CHODL: variants seen among roughly 807,000 people sequenced by gnomAD.
The protein encoded by CHODL is chondrolectin.
CHODL carries 29 observed loss-of-function variants against 34.5 expected under a neutral mutation model. That is an observed-to-expected ratio of 0.84 (90% CI 0.63 to 1.15). The LOEUF (loss-of-function observed/expected upper bound fraction) is 1.15. Among genes scored for constraint, CHODL ranks in the 50% most tolerant of loss-of-function variants. The pLI, the probability that CHODL is intolerant of heterozygous loss-of-function variation, is 0.00. For synonymous variants in CHODL, 125 were observed against 116.1 expected (o/e 1.08, Z -0.49); for missense variants, 332 against 332.5 (o/e 1.00, Z 0.01).
chr21:18,163,745 A>G (rs1048540165), intron 2 of CHODL, among the ~76,000 whole-genome samples: 5 of 152,046 alleles, frequency 3.3e-5, no homozygotes, highest in Admixed American at 2.6e-4. Context: ...TTTATATTTC[A>G]TTGATAATCT....
At chr21:18,214,636 A>G (rs2073806075) in intron 2 of CHODL, among the ~76,000 whole-genome samples, 1 of 152,156 alleles carries the variant, frequency 6.6e-6, no homozygotes, top group Non-Finnish European at 1.5e-5. Context: ...GACTTAAGGA[A>G]TGCATATATG....
chr21:18,141,308 AAT>A (rs901948952), intron 2 of CHODL, among the ~76,000 whole-genome samples: 2 of 152,020 alleles, frequency 1.3e-5, no homozygotes, highest in African/African-American at 4.8e-5. Context: ...AATTAAATAA[AAT>A]ATATAAATAC....
intron 2 of CHODL, among the ~76,000 whole-genome samples, chr21:18,239,654 A>C (rs1306341908): frequency 1.3e-5 from 2 of 152,086 alleles, no homozygotes; most frequent in Non-Finnish European, 2.9e-5. Context: ...AGTAAAATAA[A>C]ACACTTTTAT....
intron 2 of CHODL, among the ~76,000 whole-genome samples, chr21:18,158,542 C>A (rs555631418): frequency 6.6e-6 from 1 of 152,168 alleles, no homozygotes; most frequent in Non-Finnish European, 1.5e-5. Context: ...AATGACATTT[C>A]AAGAAAAGCA....
At position 18,259,120 on chromosome 21, in the gene CHODL, GA is replaced by G. The variant is rs201105765; in HGVS notation, c.548-1078del. ...TCTGTGACATTTTAAGGCAATGTAA[GA>G]ATGGTAAACATTAAATTAAAATTCT... is the stretch of plus-strand genomic sequence containing the variant. On this transcript the variant is annotated intron_variant, in intron 3 of 5. Coordinates refer to ENST00000299295, the MANE Select transcript of CHODL (RefSeq NM_024944.3). 2.4e-3 allele frequency among the ~76,000 whole-genome samples: 361 copies of G among 152,194 alleles called. 20 individuals are homozygous for G. In the East Asian group the frequency reaches 0.063, roughly 27 times the overall value.
At chr21:18,030,769 T>A (rs2064238552) in intron 2 of CHODL, among the ~76,000 whole-genome samples, 1 of 152,156 alleles carries the variant, frequency 6.6e-6, no homozygotes, top group Non-Finnish European at 1.5e-5. Context: ...TTATTTAAAA[T>A]TTTAATCTGT....
intron 2 of CHODL, among the ~76,000 whole-genome samples, chr21:18,053,203 T>C (rs1344468746): frequency 6.6e-6 from 1 of 151,944 alleles, no homozygotes; most frequent in Non-Finnish European, 1.5e-5. Flanking sequence ...AAGACTATTA[T>C]GGACAGCTAA....
At chr21:18,009,743 C>A (rs2063994349) in intron 1 of CHODL, among the ~76,000 whole-genome samples, 1 of 151,052 alleles carries the variant, frequency 6.6e-6, no homozygotes, top group African/African-American at 2.4e-5. Context: ...AAAAAATTAG[C>A]CGGGCGTGGT....
upstream of CHODL, among the ~76,000 whole-genome samples, chr21:18,241,547 C>G (rs896955573): frequency 1.3e-5 from 2 of 152,106 alleles, no homozygotes; most frequent in African/African-American, 2.4e-5. Flanking sequence ...ATGAATGAAG[C>G]CTGCTGTGAC....
chr21:18,139,135 A>G (rs141082947), intron 2 of CHODL, among the ~76,000 whole-genome samples: 27 of 152,180 alleles, frequency 1.8e-4, no homozygotes, highest in Middle Eastern at 3.4e-3. Flanking sequence ...TTATACTCCA[A>G]TAAAAACCGT....
At chr21:18,180,522 A>C (rs1012565647) in intron 2 of CHODL, among the ~76,000 whole-genome samples, 3 of 152,212 alleles carry the variant, frequency 2.0e-5, no homozygotes, top group Admixed American at 6.5e-5. Flanking sequence ...TTTAAAATCC[A>C]CAGCTCAAAG....
intron 2 of CHODL, among the ~76,000 whole-genome samples, chr21:18,094,026 A>G (rs1169383618): frequency 2.6e-5 from 4 of 152,054 alleles, no homozygotes; most frequent in Non-Finnish European, 5.9e-5. Context: ...AAGACATGGA[A>G]AAAAGATATT....
chr21:18,176,253 A>G (rs1373300521), intron 2 of CHODL, among the ~76,000 whole-genome samples: 2 of 152,218 alleles, frequency 1.3e-5, no homozygotes, highest in Non-Finnish European at 2.9e-5. Flanking sequence ...GATTAAGAAA[A>G]TCTGGAGAGT....
chr21:18,069,518 G>A (rs2064770623), intron 2 of CHODL, among the ~76,000 whole-genome samples: 1 of 145,784 alleles, frequency 6.9e-6, no homozygotes, highest in African/African-American at 2.5e-5. Context: ...GGATATAAGG[G>A]GATTATATAT....
In CHODL at chr21:18,256,492, C is replaced by T. The variant is rs765809445; in HGVS notation, c.80-17C>T. The T allele has an allele frequency of 1.7e-5, 23 of 1,345,290 alleles. No individual in the cohort carries two copies. The highest frequency in any genetic ancestry group is 1.6e-4 in the African/African-American group (9 of 54,730). 83.3% of individuals were successfully genotyped at this position (1,345,290 alleles called of 1,614,324 possible). A position where few individuals can be genotyped will look rare whatever the true frequency, so the allele number is the denominator to read the frequency against. On this transcript the variant is annotated splice_polypyrimidine_tract_variant and intron_variant, in intron 1 of 5. Transcript: ENST00000299295. ...GTTCCGATTATCAATATATGGGCAT[C>T]TTTTTTTTTTTTTCAGGCCAAAAGG... is the stretch of plus-strand genomic sequence containing the variant.
At chr21:18,031,957 T>A (rs2064253112) in intron 2 of CHODL, among the ~76,000 whole-genome samples, 1 of 152,134 alleles carries the variant, frequency 6.6e-6, no homozygotes, top group African/African-American at 2.4e-5. Flanking sequence ...ATCATTTATA[T>A]GATTTTTTGG....
intron 2 of CHODL, among the ~76,000 whole-genome samples, chr21:18,107,907 A>G (rs993885616): frequency 2.6e-5 from 4 of 152,352 alleles, no homozygotes; most frequent in Middle Eastern, 3.4e-3. Context: ...TAGTGGAGAA[A>G]ACTTTCAATA....
At chr21:18,155,136 A>G (rs11700496) in intron 2 of CHODL, among the ~76,000 whole-genome samples, 25,513 of 152,136 alleles carry the variant, frequency 0.17, 2,321 homozygotes, top group East Asian at 0.23. Flanking sequence ...ACTAGAGGTG[A>G]CTATTTTTTC....
chr21:17,923,462 GTTT>G (rs71318108), intron 1 of CHODL, among the ~76,000 whole-genome samples: 1 of 130,652 alleles, frequency 7.7e-6, no homozygotes, highest in Non-Finnish European at 1.6e-5. Context: ...TAATTCTTCA[GTTT>G]TTTTTTTTTT....
Sources: gnomAD v4.1 joint callset for allele counts (sites outside exome capture counted in the v4.1 genomes callset) on GRCh38, gnomAD v4.1.1 for gene constraint, MANE v1.5 for transcripts, NCBI Gene and HGNC (gene_info 2026-07-23, HGNC 2026-07-21) for gene names.